KCNMA1: variants seen among roughly 807,000 people sequenced by gnomAD.
KCNMA1 encodes the protein Calcium-activated potassium channel subunit alpha-1.
In KCNMA1, 29 loss-of-function variants were observed where a neutral mutation model predicts 140.0. The ratio of observed to expected loss-of-function variants is 0.21; its 90% CI spans 0.15 to 0.28. KCNMA1 has a LOEUF of 0.28. KCNMA1 is among the 10% of genes least tolerant of loss of function. The pLI is 1.00. For synonymous variants in KCNMA1, 612 were observed against 611.9 expected (o/e 1.00, Z 0.00); for missense variants, 880 against 1,602.2 (o/e 0.55, Z 7.70).
intron 23 of KCNMA1, among the ~76,000 whole-genome samples, chr10:76,936,551 A>G (rs1237803466): frequency 6.6e-6 from 1 of 152,200 alleles, no homozygotes; most frequent in Non-Finnish European, 1.5e-5. Flanking sequence ...CTTCTCCCCT[A>G]TCACCATTTC....
intron 23 of KCNMA1, among the ~76,000 whole-genome samples, chr10:76,926,115 C>T (rs572058647): frequency 6.6e-6 from 1 of 152,240 alleles, no homozygotes; most frequent in Admixed American, 6.5e-5. Context: ...GTCAGGCATT[C>T]CCACATACAT....
intron 14 of KCNMA1, among the ~76,000 whole-genome samples, chr10:77,042,048 T>C (rs2094739557): frequency 6.6e-6 from 1 of 152,160 alleles, no homozygotes; most frequent in Non-Finnish European, 1.5e-5. Context: ...GGCAATTAGA[T>C]TATGTAGGTT....
chr10:77,096,013 T>C (rs1197120006), intron 9 of KCNMA1, among the ~76,000 whole-genome samples: 1 of 152,226 alleles, frequency 6.6e-6, no homozygotes, highest in Non-Finnish European at 1.5e-5. Context: ...ACTGTGACCA[T>C]GGAATAGTCA....
intron 1 of KCNMA1, among the ~76,000 whole-genome samples, chr10:77,457,026 T>C (rs974026614): frequency 6.6e-6 from 1 of 152,160 alleles, no homozygotes; most frequent in Non-Finnish European, 1.5e-5. Context: ...TCTGAAGATA[T>C]CAACTTTCTT....
At chr10:77,517,307 G>A (rs2050910174) in intron 1 of KCNMA1, among the ~76,000 whole-genome samples, 1 of 152,170 alleles carries the variant, frequency 6.6e-6, no homozygotes, top group Non-Finnish European at 1.5e-5. Context: ...TAACCGGGCA[G>A]GCAAAACCAC....
intron 2 of KCNMA1, among the ~76,000 whole-genome samples, chr10:77,337,549 G>C (rs867319957): frequency 1.3e-5 from 2 of 152,362 alleles, no homozygotes; most frequent in East Asian, 3.9e-4. Context: ...GAGCCCGAGA[G>C]GCGGAGGTTG....
chr10:77,095,109 G>A (rs2096899734), intron 9 of KCNMA1, among the ~76,000 whole-genome samples: 1 of 152,200 alleles, frequency 6.6e-6, no homozygotes, highest in Non-Finnish European at 1.5e-5. Context: ...GGAATATTTA[G>A]GAAAGTTCAG....
intron 1 of KCNMA1, among the ~76,000 whole-genome samples, chr10:77,594,947 G>T (rs1477440310): frequency 6.6e-6 from 1 of 152,226 alleles, no homozygotes; most frequent in Non-Finnish European, 1.5e-5. Context: ...GGAGTTGAGG[G>T]TTGCTTGCTA....
At chr10:77,117,441 C>G (rs1388418062) in intron 6 of KCNMA1, among the ~76,000 whole-genome samples, 1 of 138,814 alleles carries the variant, frequency 7.2e-6, no homozygotes, top group East Asian at 2.5e-4. Flanking sequence ...CCCAGCTACT[C>G]GGGAGGCTGA....
chr10:77,270,406 G>T (rs1246906630), intron 2 of KCNMA1, among the ~76,000 whole-genome samples: 1 of 152,122 alleles, frequency 6.6e-6, no homozygotes, highest in Non-Finnish European at 1.5e-5. Flanking sequence ...CGGGAGAACT[G>T]GTGCTTAGGA....
At chr10:77,356,815 CAG>C (rs1253560057) in intron 2 of KCNMA1, among the ~76,000 whole-genome samples, 1 of 152,108 alleles carries the variant, frequency 6.6e-6, no homozygotes, top group African/African-American at 2.4e-5. Flanking sequence ...GATATCCACC[CAG>C]GTTTGCTCAG....
At chr10:76,893,760 A>T (rs1250959902) in intron 25 of KCNMA1, among the ~76,000 whole-genome samples, 1 of 152,116 alleles carries the variant, frequency 6.6e-6, no homozygotes, top group Non-Finnish European at 1.5e-5. Flanking sequence ...TGAATAAAAT[A>T]CTTAGAAATA....
At chr10:77,336,148 G>C (rs1482581932) in intron 2 of KCNMA1, among the ~76,000 whole-genome samples, 1 of 152,176 alleles carries the variant, frequency 6.6e-6, no homozygotes, top group Non-Finnish European at 1.5e-5. Context: ...TTAAGTGCTA[G>C]ATAGATTAAG....
chr10:77,442,939 A>C (rs980185987), intron 1 of KCNMA1, among the ~76,000 whole-genome samples: 3 of 151,902 alleles, frequency 2.0e-5, no homozygotes, highest in Non-Finnish European at 4.4e-5. Context: ...CCCTCCTCCT[A>C]CCTGGCTCAG....
chr10:77,493,034 T>G (rs565871683), intron 1 of KCNMA1, among the ~76,000 whole-genome samples: 1 of 152,352 alleles, frequency 6.6e-6, no homozygotes, highest in African/African-American at 2.4e-5. Context: ...AGTCTAAGTT[T>G]ATTAACCTGA....
chr10:77,142,739 A>C (rs1384991691), intron 5 of KCNMA1, among the ~76,000 whole-genome samples: 2 of 152,230 alleles, frequency 1.3e-5, no homozygotes, highest in Non-Finnish European at 2.9e-5. Context: ...GAAATGATAG[A>C]CAGAACTACA....
At chr10:77,227,948 G>A (rs1000311132) in intron 3 of KCNMA1, among the ~76,000 whole-genome samples, 1 of 148,556 alleles carries the variant, frequency 6.7e-6, no homozygotes, top group African/African-American at 2.5e-5. Context: ...CTGCCAAAAA[G>A]CAAGCATTTA....
chr10:77,513,981 G>T (rs1316968716), intron 1 of KCNMA1, among the ~76,000 whole-genome samples: 1 of 152,226 alleles, frequency 6.6e-6, no homozygotes, highest in African/African-American at 2.4e-5. Flanking sequence ...CAGCGGGCGG[G>T]ACTGTGACTC....
chr10:77,055,758 T>A (rs1032332726), intron 14 of KCNMA1, among the ~76,000 whole-genome samples: 2 of 152,092 alleles, frequency 1.3e-5, no homozygotes, highest in African/African-American at 4.8e-5. Context: ...GAAAGCCAGA[T>A]AACTAAAGCC....
Sources: gnomAD v4.1 joint callset for allele counts (sites outside exome capture counted in the v4.1 genomes callset) on GRCh38, gnomAD v4.1.1 for gene constraint, MANE v1.5 for transcripts, NCBI Gene and HGNC (gene_info 2026-07-23, HGNC 2026-07-21) for gene names.